The following BPIFB1 variants were observed in gnomAD, a reference collection of about 807,000 sequenced individuals.
BPIFB1 encodes BPI fold-containing family B member 1.
BPIFB1 carries 34 observed loss-of-function variants against 55.1 expected under a neutral mutation model. The observed-to-expected ratio is 0.62, with a 90% CI of 0.47 to 0.82. The LOEUF is 0.82. BPIFB1 is among the 40% of genes least tolerant of loss of function. The probability of loss-of-function intolerance (pLI) is 0.00; values close to 1 mark genes in which losing one functional copy is unlikely to be tolerated. For synonymous variants in BPIFB1, 236 were observed against 245.3 expected (o/e 0.96, Z 0.35); for missense variants, 532 against 593.1 (o/e 0.90, Z 1.07).
At chr20:33,307,028 C>G (rs1276054330) in intron 15 of BPIFB1, 41 bp downstream of exon 15, 2 of 1,575,532 alleles carry the variant, frequency 1.3e-6, no homozygotes, top group East Asian at 2.2e-5. Flanking sequence ...CCAGGGAGGG[C>G]ACAGCCACTG....
At chr20:33,303,713 C>G (rs1296399685) in intron 11 of BPIFB1, among the ~76,000 whole-genome samples, 4 of 152,134 alleles carry the variant, frequency 2.6e-5, no homozygotes, top group Non-Finnish European at 5.9e-5. Flanking sequence ...CTGCTTTCGT[C>G]GTCGTCATCG....
At chr20:33,306,634 G>T (rs1479470614) in intron 14 of BPIFB1, 3 of 466,090 alleles carry the variant, frequency 6.4e-6, no homozygotes, top group Non-Finnish European at 1.2e-5. Context: ...AGAAACCTCT[G>T]CTGGGGATAA....
rs962465013 is a variant in BPIFB1, at chr20:33,299,989, G to C, written c.747+5G>C. ...ACCATTCAGCTCTACCTGGGGGTGA[G>C]TGTCCCAGGACCTTGAGGGTGAAGT... is the stretch of plus-strand genomic sequence containing the variant. On this transcript the variant is annotated splice_donor_5th_base_variant and intron_variant, in intron 8 of 15. Transcript: ENST00000253354. 3.1e-6 allele frequency: 5 copies of C among 1,612,806 alleles called. No homozygotes were observed. The Admixed American group carries it at 5.0e-5, about 16-fold the overall frequency.
At chr20:33,302,723 G>A (rs1475856198) in intron 10 of BPIFB1, 193 bp from the exon 11 acceptor site, 2 of 673,970 alleles carry the variant, frequency 3.0e-6, no homozygotes, top group Non-Finnish European at 5.0e-6. Context: ...TCCAGACAGA[G>A]GGAACAGGAG....
chr20:33,304,103 C>A, intron 12 of BPIFB1, 78 bp downstream of exon 12: 1 of 1,349,186 alleles, frequency 7.4e-7, no homozygotes, highest in Non-Finnish European at 1.0e-6. Context: ...CTTTAAACAC[C>A]GACTTTGTGG....
chr20:33,298,239 T>C (rs183761792), intron 7 of BPIFB1, among the ~76,000 whole-genome samples: 1 of 152,154 alleles, frequency 6.6e-6, no homozygotes, highest in Non-Finnish European at 1.5e-5. Flanking sequence ...AATTAAAGCA[T>C]GGGTTAAAAA....
At chr20:33,300,619 C>T (rs1338907175) in intron 8 of BPIFB1, among the ~76,000 whole-genome samples, 1 of 152,176 alleles carries the variant, frequency 6.6e-6, no homozygotes, top group Non-Finnish European at 1.5e-5. Context: ...CTGAGTCTCA[C>T]TCTGTCACCC....
intron 2 of BPIFB1, among the ~76,000 whole-genome samples, chr20:33,287,435 T>A (rs1291249243): frequency 6.6e-6 from 1 of 152,198 alleles, no homozygotes; most frequent in Non-Finnish European, 1.5e-5. Flanking sequence ...GTAAGTTTAA[T>A]GTAAAGAAGT....
At chr20:33,292,850 C>G (rs973030806) in intron 6 of BPIFB1, among the ~76,000 whole-genome samples, 1 of 152,228 alleles carries the variant, frequency 6.6e-6, no homozygotes, top group Non-Finnish European at 1.5e-5. Context: ...AATGGGCCAC[C>G]CGATCTAGGG....
chr20:33,291,999 T>C lies in BPIFB1; in HGVS notation c.597+11T>C. 1.2e-6 allele frequency: 2 copies of C among 1,613,494 alleles called. No homozygotes were observed. The highest frequency in any genetic ancestry group is 1.7e-6 in the Non-Finnish European group (2 of 1,179,352). ...CTAGTGAAAAACCAGGTGAGTGGAA[T>C]CAGGGCCTCTCTGGCCTGTGGGCAT... On this transcript the variant is annotated intron_variant, in intron 6 of 15. Transcript: ENST00000253354.
At chr20:33,297,103 T>C (rs947737227) in intron 6 of BPIFB1, among the ~76,000 whole-genome samples, 1 of 152,202 alleles carries the variant, frequency 6.6e-6, no homozygotes, top group Admixed American at 6.5e-5. Context: ...GTATCTTTAG[T>C]AGAGATGAGG....
chr20:33,297,416 T>G (rs1980688494), intron 6 of BPIFB1, 109 bp from the exon 7 acceptor site: 1 of 1,199,410 alleles, frequency 8.3e-7, no homozygotes, highest in East Asian at 2.3e-5. Flanking sequence ...TGGCTGGCCA[T>G]GGGCACAGCA....
chr20:33,293,119 C>T (rs187771138), intron 6 of BPIFB1, among the ~76,000 whole-genome samples: 13 of 152,296 alleles, frequency 8.5e-5, no homozygotes, highest in African/African-American at 2.9e-4. Context: ...ACAAGGTTTT[C>T]GCCATGTTGG....
chr20:33,297,404 C>G, intron 6 of BPIFB1, 121 bp from the exon 7 acceptor site: 2 of 1,044,180 alleles, frequency 1.9e-6, no homozygotes, highest in Non-Finnish European at 2.9e-6. Context: ...ATGGATGGAA[C>G]CTGGCTGGCC....
At chr20:33,300,087 G>T in intron 8 of BPIFB1, 103 bp downstream of exon 8, 1 of 985,006 alleles carries the variant, frequency 1.0e-6, no homozygotes, top group South Asian at 1.3e-5. Flanking sequence ...GAAAATCCTG[G>T]TCACCATTAG....
At chr20:33,290,153 G>T (rs758478090) in intron 4 of BPIFB1, among the ~76,000 whole-genome samples, 161 bp downstream of exon 4, 9 of 152,176 alleles carry the variant, frequency 5.9e-5, no homozygotes, top group Non-Finnish European at 1.3e-4. Flanking sequence ...CTTGCTCAAA[G>T]AATGGCAAAG....
In BPIFB1 at chr20:33,288,775, C is replaced by T; in HGVS notation, c.150C>T (p.Thr50=). The T allele has an allele frequency of 1.2e-6, 2 of 1,613,934 alleles. No individual in the cohort carries two copies. The highest frequency in any genetic ancestry group is 1.7e-6 in the Non-Finnish European group (2 of 1,180,018). The part of the protein sequence containing the change: ...LTQELKDHNA[T]SILQQLPLLS... ...AGGAGCTGAAGGACCACAACGCCAC[C>T]AGCATCCTGCAGCAGCTGCCGCTGC... The change falls in exon 3 of 16, where the codon ACC becomes ACT. Residue 50 remains threonine (T), a synonymous_variant. Transcript: ENST00000253354.
At chr20:33,286,276 CG>C in intron 2 of BPIFB1, 88 bp downstream of exon 2, 3 of 1,160,528 alleles carry the variant, frequency 2.6e-6, no homozygotes, top group South Asian at 1.3e-5. Flanking sequence ...TTCCTCATCA[CG>C]GGGGATGTGC....
chr20:33,306,465 C>G (rs1378442353), intron 14 of BPIFB1: 1 of 336,236 alleles, frequency 3.0e-6, no homozygotes, highest in East Asian at 5.9e-5. Context: ...CGTAGAAGTA[C>G]CTTCTTCAGA....
Sources: gnomAD v4.1 joint callset for allele counts (sites outside exome capture counted in the v4.1 genomes callset) on GRCh38, gnomAD v4.1.1 for gene constraint, MANE v1.5 for transcripts, NCBI Gene and HGNC (gene_info 2026-07-23, HGNC 2026-07-21) for gene names.